ADGRL2: variants seen among roughly 807,000 people sequenced by gnomAD.
The protein encoded by ADGRL2 is calcium-independent alpha-latrotoxin receptor 2.
A neutral mutation model predicts 157.4 loss-of-function variants in ADGRL2; 44 were observed. That is an observed-to-expected ratio of 0.28 (90% CI 0.22 to 0.36). ADGRL2 has a LOEUF of 0.36. Ranked by LOEUF, ADGRL2 falls within the 10% of genes least tolerant of loss-of-function variation. ADGRL2 has a pLI of 1.00. For synonymous variants in ADGRL2, 585 were observed against 624.7 expected (o/e 0.94, Z 0.95); for missense variants, 1,510 against 1,768.9 (o/e 0.85, Z 2.63).
chr1:81,339,190 G>A (rs1017082951), intron 1 of ADGRL2, among the ~76,000 whole-genome samples: 3 of 152,094 alleles, frequency 2.0e-5, no homozygotes, highest in African/African-American at 4.8e-5. Flanking sequence ...TTCCATCTTT[G>A]CAACAGGCCT....
At chr1:81,319,785 C>G (rs780822510) in intron 1 of ADGRL2, among the ~76,000 whole-genome samples, 1 of 152,188 alleles carries the variant, frequency 6.6e-6, no homozygotes, top group Non-Finnish European at 1.5e-5. Context: ...GTCATCTGAG[C>G]TTTCTGCAGT....
chr1:81,379,624 C>A (rs1399171854), intron 1 of ADGRL2, among the ~76,000 whole-genome samples: 1 of 152,178 alleles, frequency 6.6e-6, no homozygotes, highest in Non-Finnish European at 1.5e-5. Flanking sequence ...ACTGCCCCAG[C>A]CAAACTCCAC....
At chr1:81,637,421 G>C (rs1164123246) in intron 3 of ADGRL2, among the ~76,000 whole-genome samples, 1 of 152,124 alleles carries the variant, frequency 6.6e-6, no homozygotes, top group African/African-American at 2.4e-5. Flanking sequence ...AAACCATGTT[G>C]ACCTGGTTCC....
intron 1 of ADGRL2, among the ~76,000 whole-genome samples, chr1:81,706,366 C>A (rs1038988403): frequency 1.3e-5 from 2 of 151,944 alleles, no homozygotes; most frequent in African/African-American, 2.4e-5. Flanking sequence ...GGTTTCAAAC[C>A]TTGGTGATGA....
intron 1 of ADGRL2, among the ~76,000 whole-genome samples, chr1:81,835,938 A>G (rs1380915728): frequency 6.6e-6 from 1 of 152,166 alleles, no homozygotes; most frequent in Non-Finnish European, 1.5e-5. Flanking sequence ...AGGTTACATT[A>G]TAATGAACTG....
chr1:81,459,378 A>C (rs943459548), intron 2 of ADGRL2, among the ~76,000 whole-genome samples: 6 of 152,118 alleles, frequency 3.9e-5, no homozygotes, highest in African/African-American at 1.4e-4. Flanking sequence ...TGCATCTGTG[A>C]GTTTTACTAT....
In ADGRL2 at chr1:81,452,328, C is replaced by T. The variant is rs145607935; in HGVS notation, c.-248+7239C>T. Among the ~76,000 whole-genome samples, 16 of 152,262 alleles carry T rather than the reference C, an allele frequency of 1.1e-4. No individual in the cohort carries two copies. In the East Asian group the frequency reaches 2.9e-3, roughly 28 times the overall value. On this transcript the variant is annotated intron_variant, in intron 2 of 24. Coordinates refer to the ADGRL2 transcript ENST00000370721. ...GGTCTGGATTTGTTTACTAATCAAA[C>T]TTTTAAAGACACCAATTTTTCCCCA... is the stretch of plus-strand genomic sequence containing the variant.
chr1:81,911,836 A>T (rs1345409901), intron 3 of ADGRL2, among the ~76,000 whole-genome samples: 2 of 151,076 alleles, frequency 1.3e-5, no homozygotes, highest in African/African-American at 4.9e-5. Context: ...TCCCTATTGT[A>T]GTAAGGTGTA....
intron 13 of ADGRL2, 81 bp downstream of exon 13, chr1:81,966,690 G>A (rs1475766524): frequency 3.2e-6 from 4 of 1,242,790 alleles, no homozygotes; most frequent in Admixed American, 1.7e-5. Flanking sequence ...TGCTGGGGAT[G>A]GGGAGAGAAC....
intron 1 of ADGRL2, among the ~76,000 whole-genome samples, chr1:81,755,362 AATTATC>A (rs1298026622): frequency 6.6e-6 from 1 of 151,732 alleles, no homozygotes. Context: ...TACTATTGCT[AATTATC>A]ATTATCATTA....
At position 81,943,150 on chromosome 1, in the gene ADGRL2, A is replaced by G. The variant is rs1291909639; in HGVS notation, c.591A>G (p.Gln197=). 5 of 1,613,472 alleles carry G rather than the reference A, an allele frequency of 3.1e-6. No homozygotes were observed. In the African/African-American group the frequency reaches 6.7e-5, roughly 22 times the overall value. ...AATATGCTTCTTTAGAAGATTTCCA[A>G]AATAGTCGCCAAACAACAACATATA... The part of the protein sequence containing the change: ...LIEYASLEDF[Q]NSRQTTTYKL... The change falls in exon 6 of 24, where the codon CAA becomes CAG. Residue 197 remains glutamine (Q), a synonymous_variant. Coordinates refer to ENST00000686636, the MANE Select transcript of ADGRL2 (RefSeq NM_001366006.2). This position sits in a 1 kb window ranked among gnomAD's most constrained non-coding sequence, Gnocchi z 5.6.
rs201808452 is a variant in ADGRL2, at chr1:81,558,444, C to T, written c.-247-22432C>T. On this transcript the variant is annotated intron_variant, in intron 2 of 24. Coordinates refer to the ADGRL2 transcript ENST00000370721. ...TCAGAATCATATCAAATTACAACAC[C>T]TTTCATAGTATGTTCTCCCTTATCT... 7.2e-5 allele frequency among the ~76,000 whole-genome samples: 11 copies of T among 152,124 alleles called. No homozygotes were observed. The East Asian group carries it at 1.5e-3, about 21-fold the overall frequency.
In ADGRL2 at chr1:81,943,326, A is replaced by G; in HGVS notation, c.767A>G (p.Asp256Gly). ...EAIINYANYH[D>G]TSPYRWGGKT... The stretch of plus-strand genomic sequence containing the variant: ...ATAATTAACTATGCCAACTACCATG[A>G]TACCTCACCATACAGATGGGGAGGA... The change falls in exon 6 of 24, where the codon GAT (aspartate) becomes GGT (glycine). Residue 256 changes from aspartate to glycine, a missense_variant. Transcript: ENST00000686636. The surrounding 1 kb of genome is among the most constrained non-coding windows in gnomAD (Gnocchi z 5.6). The G allele has an allele frequency of 6.2e-7, 1 of 1,613,622 alleles. No individual in the cohort carries two copies. The highest frequency in any genetic ancestry group is 8.5e-7 in the Non-Finnish European group (1 of 1,179,688).
chr1:81,617,677 G>T (rs1024865723), intron 3 of ADGRL2, among the ~76,000 whole-genome samples: 2 of 152,240 alleles, frequency 1.3e-5, no homozygotes, highest in African/African-American at 4.8e-5. Flanking sequence ...CGGGAACAGA[G>T]TTGGCTTCTT....
intron 2 of ADGRL2, chr1:81,501,935 C>T: frequency 6.2e-7 from 1 of 1,613,922 alleles, no homozygotes; most frequent in African/African-American, 1.3e-5. Flanking sequence ...GCAGCCGACT[C>T]TCTTTTCCGC....
chr1:81,538,601 T>C (rs1478381708), intron 2 of ADGRL2, among the ~76,000 whole-genome samples: 1 of 152,164 alleles, frequency 6.6e-6, no homozygotes, highest in African/African-American at 2.4e-5. Flanking sequence ...CTGGATACAA[T>C]AACCACAAAT....
chr1:81,721,638 G>C, intron 1 of ADGRL2: 1 of 786,392 alleles, frequency 1.3e-6, no homozygotes, highest in Non-Finnish European at 2.1e-6. Flanking sequence ...CCAAGCCAGC[G>C]CCTGGGCCTG....
intron 3 of ADGRL2, among the ~76,000 whole-genome samples, chr1:81,615,679 T>C (rs1368541818): frequency 6.6e-6 from 1 of 152,196 alleles, no homozygotes; most frequent in African/African-American, 2.4e-5. Context: ...GATTTTGCTT[T>C]TCCATTCATC....
intron 2 of ADGRL2, among the ~76,000 whole-genome samples, chr1:81,549,944 A>C (rs1028697536): frequency 6.6e-6 from 1 of 152,216 alleles, no homozygotes; most frequent in Non-Finnish European, 1.5e-5. Context: ...AAGATAGAAA[A>C]GGGAAAAAAT....
Sources: allele counts gnomAD v4.1 joint callset (sites outside exome capture counted in the v4.1 genomes callset), GRCh38; gene constraint gnomAD v4.1.1; non-coding constraint Gnocchi (gnomAD v3.1); transcripts MANE v1.5; gene names NCBI Gene and HGNC (gene_info 2026-07-23, HGNC 2026-07-21).